Variants in RALGAPA2 observed in about 807,000 individuals in gnomAD.
RALGAPA2 encodes ral GTPase-activating protein subunit alpha-2.
RALGAPA2 carries 139 observed loss-of-function variants against 230.4 expected under a neutral mutation model. That is an observed-to-expected ratio of 0.60 (90% CI 0.53 to 0.69). The LOEUF (loss-of-function observed/expected upper bound fraction) is 0.69. RALGAPA2 is among the 30% of genes least tolerant of loss of function. The pLI, the probability that RALGAPA2 is intolerant of heterozygous loss-of-function variation, is 0.00. For synonymous variants in RALGAPA2, 847 were observed against 837.8 expected (o/e 1.01, Z -0.19); for missense variants, 2,163 against 2,276.0 (o/e 0.95, Z 1.01).
intron 10 of RALGAPA2, among the ~76,000 whole-genome samples, chr20:20,626,171 CTTAAT>C (rs1331501043): frequency 1.3e-5 from 2 of 152,174 alleles, no homozygotes; most frequent in African/African-American, 4.8e-5. Context: ...ATCTGTGAAT[CTTAAT>C]TTAAAGTTGA....
chr20:20,472,002 C>T (rs1003706724), intron 37 of RALGAPA2: 2 of 152,126 alleles, frequency 1.3e-5, no homozygotes, highest in African/African-American at 4.8e-5. Flanking sequence ...CAATATGTTT[C>T]AAATTATTAT....
Position 20,616,133 on chromosome 20 carries a change from A to G in RALGAPA2, c.1598T>C (p.Val533Ala), listed in dbSNP as rs762312820. 1.3e-6 allele frequency: 2 copies of G among 1,555,194 alleles called. No homozygotes were observed. The highest frequency in any genetic ancestry group is 1.7e-6 in the Non-Finnish European group (2 of 1,149,734). The stretch of plus-strand genomic sequence containing the variant: ...AGCATCAACTTGTTCTTTCAAGAGC[A>G]CAGGAACTTCAGCACATGGTTCCAA... ...FLLEPCAEVP[V>A]LLKEQVDACK... The change falls in exon 13 of 40, where the codon GTG (valine) becomes GCG (alanine). Residue 533 changes from valine to alanine, a missense_variant. Transcript: ENST00000202677.
chr20:20,609,828 C>T (rs527650886), intron 14 of RALGAPA2, among the ~76,000 whole-genome samples: 3 of 152,302 alleles, frequency 2.0e-5, no homozygotes, highest in South Asian at 2.1e-4. Context: ...CCACCCTCCA[C>T]GCATCAGCAG....
At chr20:20,504,141 C>T (rs2062460281) in intron 34 of RALGAPA2, among the ~76,000 whole-genome samples, 1 of 152,168 alleles carries the variant, frequency 6.6e-6, no homozygotes, top group African/African-American at 2.4e-5. Context: ...AGAATCTCTT[C>T]TGTGCCAAAT....
intron 31 of RALGAPA2, among the ~76,000 whole-genome samples, chr20:20,520,157 T>C (rs531028303): frequency 6.6e-6 from 1 of 152,360 alleles, no homozygotes; most frequent in South Asian, 2.1e-4. Flanking sequence ...TGCATACCTA[T>C]AGGACAATAT....
At chr20:20,619,613 T>C (rs967174361) in intron 11 of RALGAPA2, among the ~76,000 whole-genome samples, 199 bp from the exon 12 acceptor site, 4 of 152,234 alleles carry the variant, frequency 2.6e-5, no homozygotes, top group African/African-American at 9.6e-5. Flanking sequence ...ACACCTAAAA[T>C]AGTGCTCAGC....
chr20:20,572,953 A>G lies in RALGAPA2; in HGVS notation c.2823T>C (p.Asp941=), dbSNP rs762975559. The change falls in exon 21 of 40, where the codon GAT becomes GAC. Residue 941 remains aspartate (D), a synonymous_variant. Transcript: ENST00000202677. The part of the protein sequence containing the change: ...LWRRVLGILG[D]VNNIQSPKIH... Reference sequence around the variant, plus strand: ...TCTTGGGTGACTGGATGTTATTCACATCTCCGAGGATCCCCAAGACCCTTC... The same window carrying G: ...TCTTGGGTGACTGGATGTTATTCACGTCTCCGAGGATCCCCAAGACCCTTC... 2 of 1,590,608 alleles carry G rather than the reference A, an allele frequency of 1.3e-6. No homozygotes were observed. Among genetic ancestry groups the G allele is most frequent in the Non-Finnish European group, 8.6e-7 (1 of 1,167,834 alleles).
chr20:20,611,489 G>A (rs1039144900), intron 13 of RALGAPA2, 63 bp from the exon 14 acceptor site: 1 of 1,536,774 alleles, frequency 6.5e-7, no homozygotes, highest in Non-Finnish European at 8.8e-7. Flanking sequence ...TTAATTTATA[G>A]GTACCAGAAA....
intron 3 of RALGAPA2, among the ~76,000 whole-genome samples, chr20:20,663,975 T>C (rs564234748): frequency 1.3e-5 from 2 of 152,338 alleles, no homozygotes; most frequent in African/African-American, 2.4e-5. Flanking sequence ...CCAGGACCAC[T>C]GCTAAGTGAC....
chr20:20,664,977 C>T (rs1268486576), intron 3 of RALGAPA2, among the ~76,000 whole-genome samples: 1 of 152,132 alleles, frequency 6.6e-6, no homozygotes, highest in Non-Finnish European at 1.5e-5. Context: ...CAAACCACAT[C>T]AAACACTAGA....
intron 2 of RALGAPA2, among the ~76,000 whole-genome samples, chr20:20,677,628 C>T (rs1443268125): frequency 1.6e-5 from 2 of 121,840 alleles, no homozygotes; most frequent in African/African-American, 3.4e-5. Flanking sequence ...TGATTTGACC[C>T]ATTTTTTTTT....
In RALGAPA2 at chr20:20,696,586, T is replaced by C. The variant is rs114379000; in HGVS notation, c.107-15785A>G. ...CCAAAGTTCCACACCATCTTATCCC[T>C]ATTTCCCCTCTCCCACCCCCGCTCC... On this transcript the variant is annotated intron_variant, in intron 1 of 39. Coordinates refer to ENST00000202677, the MANE Select transcript of RALGAPA2 (RefSeq NM_020343.4). 9.0e-3 allele frequency among the ~76,000 whole-genome samples: 1,374 copies of C among 152,008 alleles called. 20 individuals carry two copies. The highest frequency in any genetic ancestry group is 0.032 in the African/African-American group (1,326 of 41,342).
At position 20,629,320 on chromosome 20, in the gene RALGAPA2, A is replaced by AACACACACACAC. The variant is rs11467035; in HGVS notation, c.1233+31_1233+42dup. The AACACACACACAC allele has an allele frequency of 6.6e-5, 73 of 1,108,582 alleles. 1 individual carries two copies. The East Asian group carries it at 7.2e-4, about 11-fold the overall frequency. 68.7% of individuals were successfully genotyped at this position (1,108,582 alleles called of 1,614,324 possible). ...AATCATTTCCATTTCAAGAACTTGT[A>AACACACACACAC]ACACACACACACACACACACACACA... On this transcript the variant is annotated intron_variant, in intron 10 of 39. Transcript: ENST00000202677.
intron 38 of RALGAPA2, among the ~76,000 whole-genome samples, chr20:20,404,090 T>C (rs2059900875): frequency 7.4e-6 from 1 of 134,928 alleles, no homozygotes; most frequent in Non-Finnish European, 1.6e-5. Flanking sequence ...TCTCATATTC[T>C]TGAAGTGGCC....
At chr20:20,507,578 AACTCCTGATCTC>A in intron 33 of RALGAPA2, among the ~76,000 whole-genome samples, 1 of 152,310 alleles carries the variant, frequency 6.6e-6, no homozygotes, top group South Asian at 2.1e-4. Flanking sequence ...GCTGATCTCA[AACTCCTGATCTC>A]AGGTGATCCA....
At chr20:20,540,101 T>C (rs1478861589) in intron 24 of RALGAPA2, among the ~76,000 whole-genome samples, 1 of 152,238 alleles carries the variant, frequency 6.6e-6, no homozygotes, top group African/African-American at 2.4e-5. Context: ...ACATACTGAT[T>C]TCAGTTCCTT....
chr20:20,657,440 G>T (rs1484409660), intron 3 of RALGAPA2, among the ~76,000 whole-genome samples: 1 of 152,208 alleles, frequency 6.6e-6, no homozygotes, highest in Non-Finnish European at 1.5e-5. Context: ...TCTTGAAGGG[G>T]AATATGTACA....
chr20:20,414,244 G>C (rs1326144885), intron 37 of RALGAPA2, among the ~76,000 whole-genome samples: 1 of 152,134 alleles, frequency 6.6e-6, no homozygotes, highest in African/African-American at 2.4e-5. Context: ...CCCCCTTTCA[G>C]TCCATCGTCT....
intron 23 of RALGAPA2, among the ~76,000 whole-genome samples, chr20:20,567,796 T>C (rs1484522525): frequency 6.6e-6 from 1 of 150,944 alleles, no homozygotes; most frequent in East Asian, 1.9e-4. Flanking sequence ...GAGCTATGAT[T>C]GTGTCACTGC....
Sources: allele counts gnomAD v4.1 joint callset (sites outside exome capture counted in the v4.1 genomes callset), GRCh38; gene constraint gnomAD v4.1.1; transcripts MANE v1.5; gene names NCBI Gene and HGNC (gene_info 2026-07-23, HGNC 2026-07-21).